ROBO1: variants seen among roughly 807,000 people sequenced by gnomAD.
The protein encoded by ROBO1 is roundabout guidance receptor 1.
In ROBO1, 149 loss-of-function variants were observed where a neutral mutation model predicts 195.9. The observed-to-expected ratio is 0.76, with a 90% CI of 0.67 to 0.87. The LOEUF is 0.87. Among genes scored for constraint, ROBO1 ranks in the 40% least tolerant of loss-of-function variants. ROBO1 has a pLI of 0.00. For synonymous variants in ROBO1, 816 were observed against 733.2 expected (o/e 1.11, Z -1.82); for missense variants, 1,933 against 2,068.3 (o/e 0.93, Z 1.27).
intron 2 of ROBO1, among the ~76,000 whole-genome samples, chr3:79,388,838 G>A (rs1428896510): frequency 6.6e-6 from 1 of 152,008 alleles, no homozygotes; most frequent in Non-Finnish European, 1.5e-5. Context: ...CAGAGACAGA[G>A]CAACAACAAT....
chr3:79,054,043 C>A lies in ROBO1; in HGVS notation c.172+71413G>T, dbSNP rs370874817. ...CTTCCTTTAGACTGGGACCTTTTGG[C>A]AAAAGCTGTTCTAACCCCATCTCAG... On this transcript the variant is annotated intron_variant, in intron 3 of 30. Transcript: ENST00000464233. Among the ~76,000 whole-genome samples, 58 of 152,078 alleles carry A rather than the reference C, an allele frequency of 3.8e-4. 1 individual carries two copies. Among genetic ancestry groups the A allele is most frequent in the African/African-American group, 1.4e-3 (56 of 41,410 alleles).
At chr3:79,226,458 T>C (rs2082228599) in intron 2 of ROBO1, among the ~76,000 whole-genome samples, 1 of 152,188 alleles carries the variant, frequency 6.6e-6, no homozygotes, top group Non-Finnish European at 1.5e-5. Context: ...TCACCCTGTA[T>C]AGACGATTCT....
At chr3:78,728,367 A>C (rs1050758521) in intron 5 of ROBO1, among the ~76,000 whole-genome samples, 1 of 152,150 alleles carries the variant, frequency 6.6e-6, no homozygotes, top group Admixed American at 6.5e-5. Context: ...CATAACACAA[A>C]ATGACAGCAC....
rs1704792398 is a variant in ROBO1, at chr3:79,762,949, G to A, written c.-51+4803C>T. Among the ~76,000 whole-genome samples the A allele has an allele frequency of 3.3e-5, 5 of 152,120 alleles. No homozygotes were observed. The South Asian group carries it at 1.0e-3, about 32-fold the overall frequency. ...TCACTACATGATCATAGGGAATGAG[G>A]CAGAGGGACATAGCAAAGAGGAATG... On this transcript the variant is annotated intron_variant, in intron 1 of 30. Transcript: ENST00000464233.
chr3:79,636,661 G>A (rs2108049582), intron 1 of ROBO1, among the ~76,000 whole-genome samples: 1 of 152,224 alleles, frequency 6.6e-6, no homozygotes, highest in Non-Finnish European at 1.5e-5. Flanking sequence ...TCCCAACCCT[G>A]TAAAAGCCTA....
intron 3 of ROBO1, among the ~76,000 whole-genome samples, chr3:78,970,973 G>C (rs1039153657): frequency 1.3e-5 from 2 of 150,164 alleles, no homozygotes; most frequent in African/African-American, 4.9e-5. Flanking sequence ...GGCAACAACA[G>C]AATTAAGAGT....
In ROBO1 at chr3:79,297,499, T is replaced by C. The variant is rs2032657634; in HGVS notation, c.89-171960A>G. On this transcript the variant is annotated intron_variant, in intron 2 of 30. Coordinates refer to ENST00000464233, the MANE Select transcript of ROBO1 (RefSeq NM_002941.4). ...ATCATGGTATGTAACCAGATCTTGCTACATTGTCTATCTGACTTGTGACTC... is the reference window on the plus strand; with the variant it reads ...ATCATGGTATGTAACCAGATCTTGCCACATTGTCTATCTGACTTGTGACTC... 2.6e-5 allele frequency among the ~76,000 whole-genome samples: 4 copies of C among 152,274 alleles called. No homozygotes were observed. The South Asian group carries it at 8.3e-4, about 32-fold the overall frequency.
At chr3:78,969,032 G>C (rs1322925712) in intron 3 of ROBO1, among the ~76,000 whole-genome samples, 1 of 152,130 alleles carries the variant, frequency 6.6e-6, no homozygotes, top group Non-Finnish European at 1.5e-5. Flanking sequence ...TCCTACTCCA[G>C]TAAGCTGAAA....
At chr3:79,498,636 C>T (rs1939880170) in intron 2 of ROBO1, among the ~76,000 whole-genome samples, 1 of 151,922 alleles carries the variant, frequency 6.6e-6, no homozygotes, top group African/African-American at 2.4e-5. Context: ...GGTGGATTAC[C>T]TGAGGTCAGA....
intron 4 of ROBO1, 97 bp downstream of exon 4, chr3:78,938,504 G>T (rs767959745): frequency 2.4e-4 from 238 of 980,094 alleles, no homozygotes; most frequent in Non-Finnish European, 3.5e-4. Context: ...CTCAGGTAAG[G>T]CCTGAGATAC....
chr3:79,643,458 A>C (rs1945727123), intron 1 of ROBO1, among the ~76,000 whole-genome samples: 1 of 152,220 alleles, frequency 6.6e-6, no homozygotes, highest in African/African-American at 2.4e-5. Context: ...ACCCTTACTA[A>C]TACAAAGCCC....
intron 2 of ROBO1, among the ~76,000 whole-genome samples, chr3:79,183,080 C>CAAAAAAAAAAAA (rs1304597488): frequency 0.047 from 3,018 of 64,280 alleles, 95 homozygotes; most frequent in Middle Eastern, 0.12. Context: ...GACTCCAACT[C>CAAAAAAAAAAAA]AAAAAAAAAA....
intron 2 of ROBO1, among the ~76,000 whole-genome samples, chr3:79,532,434 G>T (rs1941697283): frequency 6.6e-6 from 1 of 152,082 alleles, no homozygotes; most frequent in South Asian, 2.1e-4. Flanking sequence ...ATTCAATTAT[G>T]AATGTATTAT....
chr3:79,561,995 T>G (rs1942936920), intron 2 of ROBO1, among the ~76,000 whole-genome samples: 1 of 152,296 alleles, frequency 6.6e-6, no homozygotes, highest in Non-Finnish European at 1.5e-5. Context: ...GAATTAATAA[T>G]TCTTAGGTGA....
intron 3 of ROBO1, among the ~76,000 whole-genome samples, chr3:78,945,002 G>A (rs1336363905): frequency 3.3e-5 from 5 of 152,186 alleles, no homozygotes; most frequent in Admixed American, 6.5e-5. Flanking sequence ...TGTTTGATTA[G>A]GTAGACAAAG....
At chr3:78,864,902 G>C (rs142307791) in intron 4 of ROBO1, among the ~76,000 whole-genome samples, 9 of 152,176 alleles carry the variant, frequency 5.9e-5, no homozygotes, top group Non-Finnish European at 1.2e-4. Flanking sequence ...AGATCTTCGT[G>C]ATTATAAATG....
In ROBO1 at chr3:79,505,215, A is replaced by AT. The variant is rs35524361; in HGVS notation, c.88+84608dup. Among the ~76,000 whole-genome samples, 66 of 144,142 alleles carry AT rather than the reference A, an allele frequency of 4.6e-4. 1 individual carries two copies. The East Asian group carries it at 6.3e-3, about 14-fold the overall frequency. 94.6% of individuals were successfully genotyped at this position (144,142 alleles called of 152,430 possible). On this transcript the variant is annotated intron_variant, in intron 2 of 30. Coordinates refer to ENST00000464233, the MANE Select transcript of ROBO1 (RefSeq NM_002941.4). ...TAATTTATTAAACTTCTTTCTATAT[A>AT]TTTTTTTTTTCTTAAATTGACTTTC...
intron 4 of ROBO1, among the ~76,000 whole-genome samples, chr3:78,890,206 T>G (rs1443552506): frequency 6.6e-6 from 1 of 152,136 alleles, no homozygotes; most frequent in Admixed American, 6.6e-5. Flanking sequence ...GACTAGGTAT[T>G]CAATAACCAT....
rs142389713 is a variant in ROBO1 at position 79,091,231 on chromosome 3, C to A, written c.172+34225G>T. ...ACTTTTTAAAAAATTGTGAAAACAT[C>A]AAAATGTAGATGAATCAAGTTTTAA... On this transcript the variant is annotated intron_variant, in intron 3 of 30. Transcript: ENST00000464233. Among the ~76,000 whole-genome samples, 437 of 152,126 alleles carry A rather than the reference C, an allele frequency of 2.9e-3. 4 individuals carry two copies. Among genetic ancestry groups the A allele is most frequent in the African/African-American group, 1.0e-2 (414 of 41,502 alleles).
Sources: gnomAD v4.1 joint callset for allele counts (sites outside exome capture counted in the v4.1 genomes callset) on GRCh38, gnomAD v4.1.1 for gene constraint, MANE v1.5 for transcripts, NCBI Gene and HGNC (gene_info 2026-07-23, HGNC 2026-07-21) for gene names.